CEP170B: variants seen among roughly 807,000 people sequenced by gnomAD.
CEP170B encodes centrosomal protein of 170 kDa protein B.
Under a neutral mutation model 120.6 loss-of-function variants are expected in CEP170B, and 55 were observed. The ratio of observed to expected loss-of-function variants is 0.46; its 90% CI spans 0.37 to 0.57. The LOEUF (loss-of-function observed/expected upper bound fraction) is 0.57. Among genes scored for constraint, CEP170B ranks in the 20% least tolerant of loss-of-function variants. The pLI, the probability that CEP170B is intolerant of heterozygous loss-of-function variation, is 0.00. For synonymous variants in CEP170B, 1,033 were observed against 954.5 expected (o/e 1.08, Z -1.52); for missense variants, 2,212 against 2,253.3 (o/e 0.98, Z 0.37).
chr14:104,892,868 C>T lies in CEP170B; in HGVS notation c.3879-108C>T, dbSNP rs571939408. ...GGGGAGCACCTCCCCCAGGCCCCACCTCTGGCCAGCAGCTGCCTGGGAGCT... is the reference window on the plus strand; with the variant it reads ...GGGGAGCACCTCCCCCAGGCCCCACTTCTGGCCAGCAGCTGCCTGGGAGCT... On this transcript the variant is annotated intron_variant, in intron 13 of 18. Transcript: ENST00000414716. The T allele has an allele frequency of 1.5e-3, 1,887 of 1,290,114 alleles. 3 individuals carry two copies. Among genetic ancestry groups the T allele is most frequent in the Non-Finnish European group, 1.9e-3 (1,726 of 917,190 alleles). The allele number at this position is 1,290,114 out of a possible 1,614,324, so 79.9% of individuals were successfully genotyped here.
Position 104,891,721 on chromosome 14 carries a change from C to T in CEP170B, c.3879-1255C>T, listed in dbSNP as rs1406235896. 2.0e-5 allele frequency among the ~76,000 whole-genome samples: 3 copies of T among 152,022 alleles called. No homozygotes were observed. Among genetic ancestry groups the T allele is most frequent in the Non-Finnish European group, 4.4e-5 (3 of 68,000 alleles). ...GGATGTGGGGGGCCCATGTGGGTTT[C>T]TGGAGTTCTCTGCCTTCCATGGTGG... On this transcript the variant is annotated intron_variant, in intron 13 of 18. Transcript: ENST00000414716. This position sits in a 1 kb window ranked among gnomAD's most constrained non-coding sequence, Gnocchi z 4.3.
rs1182962729 is a variant in CEP170B at position 104,884,129 on chromosome 14, C to T, written c.1350C>T (p.Ala450=). ...PADRDRPSVP[A]PVQAGGRSSG... ...ATAGGGACCGCCCCAGTGTCCCAGC[C>T]CCAGTCCAGGCAGGGGGCCGCAGCT... The change falls in exon 9 of 19, where the codon GCC becomes GCT. Residue 450 remains alanine, a synonymous_variant. Transcript: ENST00000414716. 6.4e-7 allele frequency: 1 copy of T among 1,565,694 alleles called. No homozygotes were observed. Among genetic ancestry groups the T allele is most frequent in the South Asian group, 1.2e-5 (1 of 85,834 alleles).
At chr14:104,878,629 G>A (rs1028094579) in intron 5 of CEP170B, 128 bp downstream of exon 5, 23 of 984,016 alleles carry the variant, frequency 2.3e-5, no homozygotes, top group South Asian at 1.2e-4. Context: ...TTCAGGCTGC[G>A]GGTGCCATGA....
Position 104,888,330 on chromosome 14 carries a change from C to T in CEP170B, c.3739+352C>T, listed in dbSNP as rs570599211. ...GGCCCCTGGTGCCTTTGGGTCCCCA[C>T]GCCATCTGCCCATGGGCCTGAGGCC... On this transcript the variant is annotated intron_variant, in intron 12 of 18. Transcript: ENST00000414716. 1.7e-3 allele frequency among the ~76,000 whole-genome samples: 258 copies of T among 152,362 alleles called. 1 individual carries two copies. The highest frequency in any genetic ancestry group is 2.5e-3 in the Non-Finnish European group (173 of 68,016).
At position 104,883,031 on chromosome 14, in the gene CEP170B, C is replaced by G. The variant is rs542353078; in HGVS notation, c.578-4C>G. The stretch of plus-strand genomic sequence containing the variant: ...CCCGGTCTGAAGACATCTTCCCACA[C>G]CAGAGCGCCCCAAGGGACCAGTGCA... On this transcript the variant is annotated splice_polypyrimidine_tract_variant and splice_region_variant and intron_variant, in intron 7 of 18. Coordinates refer to ENST00000414716, the MANE Select transcript of CEP170B (RefSeq NM_001112726.3). 6.6e-7 allele frequency: 1 copy of G among 1,507,846 alleles called. No homozygotes were observed. Among genetic ancestry groups the G allele is most frequent in the South Asian group, 1.2e-5 (1 of 80,070 alleles). The allele number at this position is 1,507,846 out of a possible 1,614,324, so 93.4% of individuals were successfully genotyped here.
chr14:104,875,349 C>T (rs903638523), intron 2 of CEP170B, among the ~76,000 whole-genome samples: 5 of 152,184 alleles, frequency 3.3e-5, no homozygotes, highest in African/African-American at 1.2e-4. Flanking sequence ...GAGGGTCACA[C>T]GCTGTCTGGG....
Position 104,884,086 on chromosome 14 carries a change from G to A in CEP170B, c.1307G>A (p.Arg436His), listed in dbSNP as rs777271652. The A allele has an allele frequency of 2.0e-5, 32 of 1,596,066 alleles. No homozygotes were observed. Among genetic ancestry groups the A allele is most frequent in the Admixed American group, 3.5e-5 (2 of 57,692 alleles). Residue 436 changes from arginine (R) to histidine (H), a missense_variant, in exon 9 of 19, where the codon CGT becomes CAT. Physicochemically the swap from Arg to His is conservative, Grantham distance 29. This residue lies in a region of CEP170B where 2,166 missense variants were observed against 2,166.7 expected (regional missense o/e 1.00). Transcript: ENST00000414716. Reference protein sequence around the residue: ...PSGDPKADKRRGPTPADRDRP... With the variant: ...PSGDPKADKRHGPTPADRDRP... ...GGGGACCCCAAGGCCGACAAGCGCC[G>A]TGGCCCAACGCCGGCCGATAGGGAC...
In CEP170B at chr14:104,895,058, A is replaced by C; in HGVS notation, c.*100A>C. On this transcript the variant is annotated 3_prime_UTR_variant, in exon 19 of 19. Transcript: ENST00000414716. ...TGGCCGCAGGTGGTTCTCCCTGAAG[A>C]CCCCCACATGTGCCATATCCCTGTG... is the stretch of plus-strand genomic sequence containing the variant. 2.2e-6 allele frequency: 3 copies of C among 1,334,184 alleles called. No individual in the cohort carries two copies. The highest frequency in any genetic ancestry group is 2.6e-5 in the East Asian group (1 of 37,978). 82.6% of individuals were successfully genotyped at this position (1,334,184 alleles called of 1,614,324 possible). A position where few individuals can be genotyped will look rare whatever the true frequency, so the allele number is the denominator to read the frequency against.
chr14:104,882,618 G>A, intron 6 of CEP170B, 110 bp from the exon 7 acceptor site: 1 of 807,242 alleles, frequency 1.2e-6, no homozygotes, highest in African/African-American at 1.7e-5. Context: ...AAGCTGGGAG[G>A]TGATGCCAGG....
chr14:104,884,593 G>GTGGA (rs1896355219), intron 9 of CEP170B, 44 bp downstream of exon 9: 1 of 1,465,580 alleles, frequency 6.8e-7, no homozygotes, highest in Non-Finnish European at 9.2e-7. Flanking sequence ...GGAACGGGGG[G>GTGGA]GTGGAGGCGA....
chr14:104,892,858 C>A, intron 13 of CEP170B, 118 bp from the exon 14 acceptor site: 8 of 1,150,934 alleles, frequency 7.0e-6, no homozygotes, highest in Non-Finnish European at 1.0e-5. Context: ...GCACCTCCCC[C>A]AGGCCCCACC....
At chr14:104,873,182 C>G (rs1049727233) in intron 2 of CEP170B, among the ~76,000 whole-genome samples, 6 of 147,416 alleles carry the variant, frequency 4.1e-5, no homozygotes, top group African/African-American at 1.5e-4. Context: ...AAGCCCTGGC[C>G]GGGGGTGGAG....
intron 2 of CEP170B, among the ~76,000 whole-genome samples, chr14:104,869,839 C>T (rs894929667): frequency 1.3e-5 from 2 of 152,266 alleles, no homozygotes; most frequent in East Asian, 1.9e-4. Context: ...CCTCCAGAAC[C>T]GTGAGCAATA....
rs759918470 is a variant in CEP170B at position 104,889,620 on chromosome 14, C to T, written c.3740C>T (p.Thr1247Ile). The change falls in exon 13 of 19, where the codon ACC becomes ATC. Residue 1247 changes from threonine to isoleucine, a missense_variant and splice_region_variant. By Grantham distance (89) the Thr-to-Ile change is moderately conservative. Transcript: ENST00000414716. ...ARSGSARYTS[T>I]TQTPRAGSSS... Reference sequence around the variant, plus strand: ...CACACACGCTCCCACACCTCAACAGCCACTCAGACCCCGAGGGCTGGCAGC... The same window carrying T: ...CACACACGCTCCCACACCTCAACAGTCACTCAGACCCCGAGGGCTGGCAGC... 5.6e-5 allele frequency: 91 copies of T among 1,610,772 alleles called. No individual in the cohort carries two copies. The highest frequency in any genetic ancestry group is 7.6e-5 in the Non-Finnish European group (90 of 1,179,758).
In CEP170B at chr14:104,896,581, C is replaced by T; in HGVS notation, c.*1623C>T. On this transcript the variant is annotated 3_prime_UTR_variant, in exon 19 of 19. Transcript: ENST00000414716. ...CCCCACACTGAGCTCCTTTGTTCCT[C>T]CCCCTCCAGCCTTTGCCTGGGAACT... The T allele has an allele frequency of 6.6e-6, 3 of 456,206 alleles. No homozygotes were observed. The highest frequency in any genetic ancestry group is 4.4e-6 in the Non-Finnish European group (1 of 226,930). 28.3% of individuals were successfully genotyped at this position (456,206 alleles called of 1,614,324 possible).
intron 2 of CEP170B, among the ~76,000 whole-genome samples, chr14:104,872,636 C>G (rs1895635317): frequency 6.6e-6 from 1 of 152,230 alleles, no homozygotes; most frequent in Admixed American, 6.5e-5. Flanking sequence ...GATTTGCACT[C>G]TTGCGTGCTG....
chr14:104,877,489 A>T (rs1436443367), intron 3 of CEP170B, among the ~76,000 whole-genome samples: 1 of 152,170 alleles, frequency 6.6e-6, no homozygotes, highest in Non-Finnish European at 1.5e-5. Flanking sequence ...GCCAAGGGCC[A>T]CCACAGGGCA....
Position 104,877,856 on chromosome 14 carries a change from C to G in CEP170B, c.196-29C>G, listed in dbSNP as rs775300139. On this transcript the variant is annotated intron_variant, in intron 3 of 18. Transcript: ENST00000414716. The stretch of plus-strand genomic sequence containing the variant: ...CAGCCACCCACCCGCGCAGCTCCCC[C>G]CCCCCCCCCGCCACCTGTTTTCCTG... 2.4e-5 allele frequency: 13 copies of G among 537,172 alleles called. 1 individual carries two copies. The highest frequency in any genetic ancestry group is 4.3e-4 in the Middle Eastern group (1 of 2,308). The allele number at this position is 537,172 out of a possible 1,614,324, so 33.3% of individuals were successfully genotyped here.
Position 104,884,391 on chromosome 14 carries a change from G to A in CEP170B, c.1612G>A (p.Val538Met), listed in dbSNP as rs777479560. 227 of 1,547,296 alleles carry A rather than the reference G, an allele frequency of 1.5e-4. No homozygotes were observed. Among genetic ancestry groups the A allele is most frequent in the Middle Eastern group, 7.8e-4 (4 of 5,102 alleles). ...APLTPHGTSP[V>M]GPPTPPPAPT... Reference sequence around the variant, plus strand: ...CCTGACACCCCATGGGACCAGCCCCGTGGGCCCCCCGACCCCACCGCCCGC... The same window carrying A: ...CCTGACACCCCATGGGACCAGCCCCATGGGCCCCCCGACCCCACCGCCCGC... Residue 538 changes from valine to methionine, a missense_variant, in exon 9 of 19, where the codon GTG becomes ATG. Physicochemically the swap from Val to Met is conservative, Grantham distance 21 (BLOSUM62 1). Transcript: ENST00000414716.
Sources: gnomAD v4.1 joint callset for allele counts (sites outside exome capture counted in the v4.1 genomes callset) on GRCh38, gnomAD v4.1.1 for gene constraint, gnomAD v4.1.1 regional missense constraint, Gnocchi (gnomAD v3.1) non-coding constraint, MANE v1.5 for transcripts, NCBI Gene and HGNC (gene_info 2026-07-23, HGNC 2026-07-21) for gene names.